ST13: variants seen among roughly 807,000 people sequenced by gnomAD.
ST13 encodes ST13 Hsp70 interacting protein.
In ST13, 23 loss-of-function variants were observed where a neutral mutation model predicts 56.7. That is an observed-to-expected ratio of 0.41 (90% confidence interval 0.29 to 0.57). ST13 has a LOEUF of 0.57. Among genes scored for constraint, ST13 ranks in the 20% least tolerant of loss-of-function variants. The probability of loss-of-function intolerance (pLI) is 0.36; values close to 1 mark genes in which losing one functional copy is unlikely to be tolerated. For missense variants in ST13, 369 were observed against 459.9 expected (o/e 0.80, Z 1.81); for synonymous variants, 132 against 142.4 (o/e 0.93, Z 0.52).
rs73172895 is a variant in ST13 at position 40,847,168 on chromosome 22, A to G, written c.244+1126T>C. ...ATAGCACAGATAACTACTCTTCTAA[A>G]TATGAACCAGTTTTATCAACATGGT... On this transcript the variant is annotated intron_variant, in intron 3 of 11. Coordinates refer to ENST00000216218, the MANE Select transcript of ST13 (RefSeq NM_003932.5). Among the ~76,000 whole-genome samples the G allele has an allele frequency of 6.0e-3, 917 of 152,282 alleles. 6 individuals carry two copies. Among genetic ancestry groups the G allele is most frequent in the Middle Eastern group, 0.031 (9 of 294 alleles).
At chr22:40,833,593 T>C (rs1190855327) in intron 7 of ST13, among the ~76,000 whole-genome samples, 1 of 146,954 alleles carries the variant, frequency 6.8e-6, no homozygotes, top group African/African-American at 2.5e-5. Flanking sequence ...AAATAAGGTG[T>C]GGCTAGGCGC....
chr22:40,841,695 C>T (rs992612465), intron 4 of ST13, among the ~76,000 whole-genome samples: 2 of 152,172 alleles, frequency 1.3e-5, no homozygotes, highest in Non-Finnish European at 2.9e-5. Flanking sequence ...CAACCTCCAT[C>T]TCCTGGGCTC....
chr22:40,834,439 CCA>C (rs938692793), intron 7 of ST13, among the ~76,000 whole-genome samples: 3 of 152,074 alleles, frequency 2.0e-5, no homozygotes, highest in African/African-American at 4.8e-5. Context: ...AAAATTTTTA[CCA>C]CACAAGTGTC....
chr22:40,851,543 G>GT (rs2057861234), intron 1 of ST13, among the ~76,000 whole-genome samples: 1 of 152,044 alleles, frequency 6.6e-6, no homozygotes, highest in Non-Finnish European at 1.5e-5. Context: ...AAGAATTAGC[G>GT]TTACATGCTC....
At chr22:40,838,795 T>G (rs1432925863) in intron 5 of ST13, among the ~76,000 whole-genome samples, 1 of 151,946 alleles carries the variant, frequency 6.6e-6, no homozygotes, top group Admixed American at 6.6e-5. Flanking sequence ...TAGCAAAAGT[T>G]TCGTGCGATG....
chr22:40,837,980 C>A (rs2057785719), intron 5 of ST13, among the ~76,000 whole-genome samples: 1 of 152,152 alleles, frequency 6.6e-6, no homozygotes. Flanking sequence ...CATTTCCTAG[C>A]CCATTTCCAA....
At chr22:40,829,732 C>G in intron 9 of ST13, 58 bp from the exon 10 acceptor site, 1 of 951,842 alleles carries the variant, frequency 1.1e-6, no homozygotes, top group Admixed American at 2.7e-5. Context: ...GCTGTCCATG[C>G]AACCTGTCCA....
rs1209211684 is a variant in ST13, at chr22:40,856,631, T to C, written c.-91A>G. 2 of 1,022,086 alleles carry C rather than the reference T, an allele frequency of 2.0e-6. No homozygotes were observed. Among genetic ancestry groups the C allele is most frequent in the Admixed American group, 1.8e-5 (1 of 54,484 alleles). 63.3% of individuals were successfully genotyped at this position (1,022,086 alleles called of 1,614,324 possible). Reference sequence around the variant, plus strand: ...GCGTGACCGCGCAGAAGGGGGCGGCTGCCGCAAGACAGAACAGACTAGAAC... The same window carrying C: ...GCGTGACCGCGCAGAAGGGGGCGGCCGCCGCAAGACAGAACAGACTAGAAC... On this transcript the variant is annotated 5_prime_UTR_variant, in exon 1 of 12. Coordinates refer to ENST00000216218, the MANE Select transcript of ST13 (RefSeq NM_003932.5).
At chr22:40,838,599 C>CAA (rs530979962) in intron 5 of ST13, among the ~76,000 whole-genome samples, 16 of 133,054 alleles carry the variant, frequency 1.2e-4, no homozygotes, top group African/African-American at 3.0e-4. Flanking sequence ...CTATCTCTAC[C>CAA]AAAAAAAAAA....
intron 8 of ST13, 87 bp downstream of exon 8, chr22:40,832,482 T>C: frequency 1.0e-6 from 1 of 965,282 alleles, no homozygotes. Context: ...TTGCCTGTTT[T>C]TCAGATGAAT....
chr22:40,834,508 T>C (rs2057768502), intron 7 of ST13, among the ~76,000 whole-genome samples: 1 of 152,050 alleles, frequency 6.6e-6, no homozygotes. Context: ...TAATAGAAAA[T>C]ATCAGTATAA....
chr22:40,832,982 C>T (rs2057760819), intron 7 of ST13, among the ~76,000 whole-genome samples: 1 of 152,150 alleles, frequency 6.6e-6, no homozygotes, highest in Non-Finnish European at 1.5e-5. Flanking sequence ...CTCGCCCAAA[C>T]CAGGACTAAC....
chr22:40,852,148 G>C (rs2057864826), intron 1 of ST13, among the ~76,000 whole-genome samples: 1 of 152,186 alleles, frequency 6.6e-6, no homozygotes, highest in African/African-American at 2.4e-5. Context: ...ATGGGCATCA[G>C]TTTTCTGAAG....
chr22:40,845,987 A>G (rs1209422086), intron 3 of ST13, among the ~76,000 whole-genome samples: 1 of 152,096 alleles, frequency 6.6e-6, no homozygotes, highest in Non-Finnish European at 1.5e-5. Flanking sequence ...CCGAGGTTGG[A>G]GTGCAGTGGC....
At position 40,843,762 on chromosome 22, in the gene ST13, C is replaced by G. The variant is rs200466788; in HGVS notation, c.315+1077G>C. ...GCATCCAGAATATTGAAATGAAATA[C>G]AAAGCAGTAAGAAAAAGATCCAGCA... On this transcript the variant is annotated intron_variant, in intron 4 of 11. Transcript: ENST00000216218. Among the ~76,000 whole-genome samples the G allele has an allele frequency of 9.9e-5, 15 of 151,874 alleles. No individual in the cohort carries two copies. The East Asian group carries it at 2.3e-3, about 23-fold the overall frequency.
chr22:40,840,215 AG>A (rs774931597), intron 5 of ST13, among the ~76,000 whole-genome samples: 9 of 152,274 alleles, frequency 5.9e-5, no homozygotes, highest in Non-Finnish European at 1.2e-4. Flanking sequence ...TCTCACTCTG[AG>A]GGGATTTACT....
chr22:40,852,898 C>T (rs762291250), intron 1 of ST13, among the ~76,000 whole-genome samples: 3 of 152,082 alleles, frequency 2.0e-5, no homozygotes, highest in Non-Finnish European at 4.4e-5. Flanking sequence ...CAAAATGCAG[C>T]GTCAGGAATG....
At position 40,838,580 on chromosome 22, in the gene ST13, G is replaced by C. The variant is rs1225769550; in HGVS notation, c.382+2046C>G. Among the ~76,000 whole-genome samples, 3 of 149,854 alleles carry C rather than the reference G, an allele frequency of 2.0e-5. No homozygotes were observed. In the East Asian group the frequency reaches 5.8e-4, roughly 29 times the overall value. On this transcript the variant is annotated intron_variant, in intron 5 of 11. Transcript: ENST00000216218. ...AGTTCAAGACGAGCCTGGGCAACAG[G>C]ATGAAACCCTATCTCTACCAAAAAA...
At chr22:40,848,194 A>G (rs533808024) in intron 3 of ST13, 100 bp downstream of exon 3, 21 of 772,606 alleles carry the variant, frequency 2.7e-5, no homozygotes, top group African/African-American at 5.2e-5. Flanking sequence ...ATGTGCCATT[A>G]TATTTCTATT....
Sources: gnomAD v4.1 joint callset for allele counts (sites outside exome capture counted in the v4.1 genomes callset) on GRCh38, gnomAD v4.1.1 for gene constraint, MANE v1.5 for transcripts, NCBI Gene and HGNC (gene_info 2026-07-23, HGNC 2026-07-21) for gene names.